ODAD2: variants seen among roughly 807,000 people sequenced by gnomAD.
The protein encoded by ODAD2 is outer dynein arm docking complex subunit 2, also known as outer dynein arm-docking complex subunit 2.
A neutral mutation model predicts 106.8 loss-of-function variants in ODAD2; 89 were observed. The observed-to-expected ratio is 0.83, with a 90% confidence interval of 0.70 to 0.99. ODAD2 has a LOEUF of 0.99. ODAD2 is among the 50% of genes least tolerant of loss of function. The probability of loss-of-function intolerance (pLI) is 0.00; values close to 1 mark genes in which losing one functional copy is unlikely to be tolerated. For missense variants in ODAD2, 1,168 were observed against 1,238.5 expected (o/e 0.94, Z 0.85); for synonymous variants, 404 against 436.2 (o/e 0.93, Z 0.92).
At position 27,983,850 on chromosome 10, in the gene ODAD2, A is replaced by G; in HGVS notation, c.812T>C (p.Leu271Ser). ...CITCSAGGVF[L>S]NGGKTDDEGD... ...TTTTAAAAATTTACTTACACCATTT[A>G]AAAATACTCCTCCTGCACTGCAAGT... is the stretch of plus-strand genomic sequence containing the variant. The change falls in exon 6 of 20, where the codon TTA becomes TCA. Residue 271 changes from leucine to serine, a missense_variant. Physicochemically the swap from Leu to Ser is moderately radical, Grantham distance 145. This residue lies in a region of ODAD2 where 430 missense variants were observed against 452.2 expected (regional missense o/e 0.95). Transcript: ENST00000305242. 1.2e-6 allele frequency: 2 copies of G among 1,613,216 alleles called. No individual in the cohort carries two copies. The highest frequency in any genetic ancestry group is 8.5e-7 in the Non-Finnish European group (1 of 1,179,754).
intron 2 of ODAD2, among the ~76,000 whole-genome samples, chr10:27,987,971 G>A (rs1403343508): frequency 1.3e-5 from 2 of 149,526 alleles, no homozygotes; most frequent in Admixed American, 1.3e-4. Flanking sequence ...GTGGTTAGGG[G>A]TTTTCTTGGC....
intron 3 of ODAD2, among the ~76,000 whole-genome samples, 196 bp downstream of exon 3, chr10:27,987,190 A>C (rs61845064): frequency 4.9e-3 from 754 of 152,362 alleles, no homozygotes; most frequent in Non-Finnish European, 7.9e-3. Flanking sequence ...TTAAAGCAGA[A>C]ATTTGATAGG....
chr10:27,936,024 C>T (rs533226074), intron 15 of ODAD2, among the ~76,000 whole-genome samples: 4 of 151,976 alleles, frequency 2.6e-5, no homozygotes, highest in Non-Finnish European at 5.9e-5. Flanking sequence ...ATAAAAGTTC[C>T]ATTAGCCGAG....
At chr10:27,912,114 C>G (rs1377589618) in intron 16 of ODAD2, among the ~76,000 whole-genome samples, 1 of 152,186 alleles carries the variant, frequency 6.6e-6, no homozygotes, top group Non-Finnish European at 1.5e-5. Context: ...TGCATACACA[C>G]TGATGGGCTT....
intron 19 of ODAD2, among the ~76,000 whole-genome samples, chr10:27,840,825 T>C (rs910903950): frequency 3.3e-5 from 5 of 152,200 alleles, no homozygotes; most frequent in African/African-American, 1.2e-4. Context: ...CTTTGGTGCA[T>C]AAGTTTGAGT....
At chr10:27,829,292 A>T (rs186533277) in intron 19 of ODAD2, among the ~76,000 whole-genome samples, 1 of 152,198 alleles carries the variant, frequency 6.6e-6, no homozygotes, top group Admixed American at 6.5e-5. Flanking sequence ...TCGGAACTAA[A>T]CTCATAAAGA....
chr10:27,848,101 C>A (rs1321418762), intron 19 of ODAD2, among the ~76,000 whole-genome samples: 1 of 152,096 alleles, frequency 6.6e-6, no homozygotes, highest in Non-Finnish European at 1.5e-5. Context: ...CAAAAAAGAG[C>A]CCACATTGCC....
chr10:27,934,671 T>G (rs554456027), intron 16 of ODAD2, among the ~76,000 whole-genome samples: 1 of 152,220 alleles, frequency 6.6e-6, no homozygotes, highest in South Asian at 2.1e-4. Context: ...ACTATGAGAA[T>G]GTACCTGACA....
intron 16 of ODAD2, among the ~76,000 whole-genome samples, chr10:27,918,145 G>C (rs1324892748): frequency 6.6e-6 from 1 of 151,534 alleles, no homozygotes; most frequent in African/African-American, 2.4e-5. Flanking sequence ...AGAAAACAAA[G>C]AGAAAAAATA....
chr10:27,923,990 GAAAGAAAGAAAGAAAGAA>G (rs1844995350), intron 16 of ODAD2, among the ~76,000 whole-genome samples: 9 of 132,894 alleles, frequency 6.8e-5, no homozygotes, highest in Non-Finnish European at 1.3e-4. Context: ...AAGAAAGAAA[GAAAGAAAGAAAGAAAGAA>G]AGAAAGAAAG....
chr10:27,924,008 A>G (rs12778544), intron 16 of ODAD2, among the ~76,000 whole-genome samples: 8,744 of 103,628 alleles, frequency 0.084, 755 homozygotes, highest in Middle Eastern at 0.14. Context: ...GAAAGAAAGA[A>G]AGAAAGAAAG....
chr10:27,885,760 T>A (rs1314149695), intron 17 of ODAD2, among the ~76,000 whole-genome samples: 36 of 43,514 alleles, frequency 8.3e-4, no homozygotes, highest in South Asian at 1.3e-3. Flanking sequence ...AATATATATT[T>A]TATATATATT....
intron 3 of ODAD2, among the ~76,000 whole-genome samples, chr10:27,986,695 T>A (rs1335611510): frequency 2.0e-5 from 3 of 152,246 alleles, no homozygotes; most frequent in Non-Finnish European, 4.4e-5. Flanking sequence ...GCATACATTA[T>A]CACCTATGAT....
In ODAD2 at chr10:27,851,342, C is replaced by T. The variant is rs1017477215; in HGVS notation, c.3021+9283G>A. 2.6e-5 allele frequency among the ~76,000 whole-genome samples: 4 copies of T among 151,940 alleles called. No individual in the cohort carries two copies. The South Asian group carries it at 6.2e-4, about 24-fold the overall frequency. On this transcript the variant is annotated intron_variant, in intron 19 of 19. Coordinates refer to ENST00000305242, the MANE Select transcript of ODAD2 (RefSeq NM_018076.5). Reference sequence around the variant, plus strand: ...GCAATCTGATTCTTAGAACAAAGCTCGGGAATATTTATAGATATCCTGTTC... The same window carrying T: ...GCAATCTGATTCTTAGAACAAAGCTTGGGAATATTTATAGATATCCTGTTC...
intron 17 of ODAD2, among the ~76,000 whole-genome samples, chr10:27,901,905 A>G (rs1843234331): frequency 6.6e-6 from 1 of 152,184 alleles, no homozygotes; most frequent in Non-Finnish European, 1.5e-5. Flanking sequence ...AACGAGACAG[A>G]AAATTAACAA....
At chr10:27,931,778 T>C (rs997849003) in intron 16 of ODAD2, among the ~76,000 whole-genome samples, 1 of 148,638 alleles carries the variant, frequency 6.7e-6, no homozygotes, top group Non-Finnish European at 1.5e-5. Flanking sequence ...GGCAATGACT[T>C]ACATAGAAAT....
chr10:27,833,593 A>G (rs1837643774), intron 19 of ODAD2, among the ~76,000 whole-genome samples: 1 of 152,176 alleles, frequency 6.6e-6, no homozygotes, highest in South Asian at 2.1e-4. Flanking sequence ...TCACATTTGA[A>G]GAGTATTTTG....
intron 19 of ODAD2, among the ~76,000 whole-genome samples, chr10:27,848,014 T>A (rs1386804535): frequency 1.3e-5 from 2 of 152,178 alleles, no homozygotes; most frequent in Non-Finnish European, 2.9e-5. Context: ...ATTTATAGAT[T>A]CAATGCCATT....
At position 27,981,540 on chromosome 10, in the gene ODAD2, C is replaced by T. The variant is rs1308587969; in HGVS notation, c.862G>A (p.Gly288Ser). 1 of 1,538,104 alleles carries T rather than the reference C, an allele frequency of 6.5e-7. No homozygotes were observed. Among genetic ancestry groups the T allele is most frequent in the Non-Finnish European group, 8.7e-7 (1 of 1,155,866 alleles). The part of the protein sequence containing the change: ...DEGDVNYERK[G>S]SIYKNLVTFL... Reference sequence around the variant, plus strand: ...GTGACAAGGTTTTTATAAATTGAACCTTTTCTCTCATAATTAACGTCCCCT... The same window carrying T: ...GTGACAAGGTTTTTATAAATTGAACTTTTTCTCTCATAATTAACGTCCCCT... The change falls in exon 7 of 20, where the codon GGT (glycine) becomes AGT (serine). Residue 288 changes from glycine to serine, a missense_variant. By Grantham distance (56) the Gly-to-Ser change is moderately conservative. Around this residue, in one of 3 missense-constraint regions of ODAD2, gnomAD observed 430 missense variants for 452.2 expected, o/e 0.95. Coordinates refer to ENST00000305242, the MANE Select transcript of ODAD2 (RefSeq NM_018076.5).
Sources: gnomAD v4.1 joint callset for allele counts (sites outside exome capture counted in the v4.1 genomes callset) on GRCh38, gnomAD v4.1.1 for gene constraint, gnomAD v4.1.1 regional missense constraint, MANE v1.5 for transcripts, NCBI Gene and HGNC (gene_info 2026-07-23, HGNC 2026-07-21) for gene names.